Variants in TMPRSS9 observed in about 807,000 individuals in gnomAD.
TMPRSS9 encodes transmembrane serine protease 9.
In TMPRSS9, 113 loss-of-function variants were observed where a neutral mutation model predicts 111.4. The ratio of observed to expected loss-of-function variants is 1.01; its 90% confidence interval spans 0.87 to 1.19. TMPRSS9 has a LOEUF of 1.19. TMPRSS9 is among the 50% of genes most tolerant of loss of function. The pLI is 0.00. For synonymous variants in TMPRSS9, 805 were observed against 659.1 expected, an observed-to-expected ratio of 1.22 and a Z score of -3.39; for missense variants, 1,803 against 1,513.1, an observed-to-expected ratio of 1.19 and a Z score of -3.18.
intron 1 of TMPRSS9, among the ~76,000 whole-genome samples, chr19:2,369,730 C>T (rs998544170): frequency 6.6e-6 from 1 of 151,876 alleles, no homozygotes; most frequent in African/African-American, 2.4e-5. Context: ...TGAGCCACTG[C>T]ACCTGGCCTA....
chr19:2,425,075 C>G lies in TMPRSS9; in HGVS notation c.2791C>G (p.Arg931Gly), dbSNP rs745327163. 4 of 1,572,236 alleles carry G rather than the reference C, an allele frequency of 2.5e-6. No homozygotes were observed. In the Admixed American group the frequency reaches 5.3e-5, roughly 21 times the overall value. Reference sequence around the variant, plus strand: ...GAGCGGCGCGGAGGGGCAGCTGGAGCGCGTGGCGCGCATCTACAAGCACCC... The same window carrying G: ...GAGCGGCGCGGAGGGGCAGCTGGAGGGCGTGGCGCGCATCTACAAGCACCC... Residue 931 changes from arginine to glycine, a missense_variant, in exon 16 of 18, where the codon CGC (arginine) becomes GGC (glycine). By Grantham distance (125) the Arg-to-Gly change is moderately radical. Transcript: ENST00000648592.
At chr19:2,366,675 A>G (rs764124341) in intron 1 of TMPRSS9, among the ~76,000 whole-genome samples, 4 of 151,048 alleles carry the variant, frequency 2.6e-5, no homozygotes, top group East Asian at 2.0e-4. Context: ...GGCTAACACG[A>G]TGAAACCCCA....
At chr19:2,415,014 C>G (rs933161007) in intron 10 of TMPRSS9, among the ~76,000 whole-genome samples, 1 of 141,900 alleles carries the variant, frequency 7.0e-6, no homozygotes, top group Non-Finnish European at 1.5e-5. Context: ...GGTGTGATCT[C>G]GGCTCACTGC....
At chr19:2,407,366 A>G (rs1259236596) in intron 7 of TMPRSS9, among the ~76,000 whole-genome samples, 1 of 151,536 alleles carries the variant, frequency 6.6e-6, no homozygotes, top group African/African-American at 2.4e-5. Flanking sequence ...TACTAAAAAC[A>G]CACAAAAAAA....
intron 1 of TMPRSS9, among the ~76,000 whole-genome samples, chr19:2,380,283 T>TA (rs113193082): frequency 0.099 from 14,170 of 143,262 alleles, 1,245 homozygotes; most frequent in African/African-American, 0.25. Context: ...AACCCTGTCT[T>TA]AAAAAAAAAC....
rs1568189186 is a variant in TMPRSS9 at position 2,418,291 on chromosome 19, C to CCTCCTTCCCT, written c.2154+153_2154+154insCTCCTTCCCT. ...GTCCTTCCCTCCTTTTCCTTTCCTCCTTTCCTTCCCTCCCTTTCCCTCCCT... is the reference window on the plus strand; with the variant it reads ...GTCCTTCCCTCCTTTTCCTTTCCTCCCTCCTTCCCTTTTCCTTCCCTCCCTTTCCCTCCCT... On this transcript the variant is annotated intron_variant, in intron 13 of 17. Transcript: ENST00000648592. 1.8e-4 allele frequency among the ~76,000 whole-genome samples: 13 copies of CCTCCTTCCCT among 71,840 alleles called. 2 individuals are homozygous for CCTCCTTCCCT. The highest frequency in any genetic ancestry group is 5.1e-4 in the African/African-American group (7 of 13,786). The allele number at this position is 71,840 out of a possible 152,430, so 47.1% of individuals were successfully genotyped here.
chr19:2,379,843 ACCT>A (rs1328194726), intron 1 of TMPRSS9, among the ~76,000 whole-genome samples: 1 of 149,138 alleles, frequency 6.7e-6, no homozygotes, highest in East Asian at 2.0e-4. Flanking sequence ...TGTAGTCTCG[ACCT>A]CCTTGGCTCA....
At chr19:2,424,670 C>G (rs1184507844) in intron 15 of TMPRSS9, among the ~76,000 whole-genome samples, 2 of 152,170 alleles carry the variant, frequency 1.3e-5, no homozygotes, top group Non-Finnish European at 2.9e-5. Flanking sequence ...GGCCCAAGCC[C>G]TGGCAGTCGA....
intron 11 of TMPRSS9, 141 bp downstream of exon 12, chr19:2,415,982 G>C (rs750148566): frequency 9.6e-5 from 100 of 1,045,494 alleles, no homozygotes; most frequent in Non-Finnish European, 1.2e-4. Context: ...CTGAGAGACA[G>C]GAGGGAGCCG....
chr19:2,423,050 C>G (rs1971501587), intron 14 of TMPRSS9, among the ~76,000 whole-genome samples: 1 of 146,064 alleles, frequency 6.8e-6, no homozygotes, highest in African/African-American at 2.6e-5. Flanking sequence ...CAGCCTGTCT[C>G]TAAAAAAATT....
At chr19:2,381,883 C>T (rs1025191016) in intron 1 of TMPRSS9, among the ~76,000 whole-genome samples, 1 of 152,196 alleles carries the variant, frequency 6.6e-6, no homozygotes, top group Non-Finnish European at 1.5e-5. Context: ...CGCTCTGTCG[C>T]CCAGGCTTGA....
intron 13 of TMPRSS9, among the ~76,000 whole-genome samples, 183 bp downstream of exon 14, chr19:2,418,321 C>T (rs1192621259): frequency 2.3e-5 from 1 of 43,082 alleles, no homozygotes. Context: ...CTCCCTCCCT[C>T]CCTCCCTCCC....
At chr19:2,405,617 C>T (rs1375552951) in intron 7 of TMPRSS9, 72 bp downstream of exon 8, 19 of 1,402,018 alleles carry the variant, frequency 1.4e-5, no homozygotes, top group African/African-American at 7.5e-5. Context: ...GCACTGGGGA[C>T]GTCACTTCTG....
At chr19:2,366,009 A>G (rs900872661) in intron 1 of TMPRSS9, among the ~76,000 whole-genome samples, 1 of 151,966 alleles carries the variant, frequency 6.6e-6, no homozygotes, top group Non-Finnish European at 1.5e-5. Flanking sequence ...GAGAAAGAGA[A>G]GAGAAGAAAT....
chr19:2,422,185 C>A (rs772277088), exon 14 of TMPRSS9: 1 of 1,554,348 alleles, frequency 6.4e-7, no homozygotes, highest in South Asian at 1.2e-5. Context: ...GTGAGCACCA[C>A]TGCTAGGGGA....
At chr19:2,393,943 C>T (rs911158602) in intron 1 of TMPRSS9, among the ~76,000 whole-genome samples, 1 of 149,392 alleles carries the variant, frequency 6.7e-6, no homozygotes, top group Non-Finnish European at 1.5e-5. Context: ...TGGCTCCCAC[C>T]TGTAATCCCA....
Position 2,425,320 on chromosome 19 carries a change from G to C in TMPRSS9, c.2984-37G>C, listed in dbSNP as rs780534918. On this transcript the variant is annotated intron_variant, in intron 16 of 17. Transcript: ENST00000648592. ...CGGGGCTCGGGGGGCGGCCGGACGCGGTCCCCACCCGCCCCGTCTCGCTCG... is the reference window on the plus strand; with the variant it reads ...CGGGGCTCGGGGGGCGGCCGGACGCCGTCCCCACCCGCCCCGTCTCGCTCG... The C allele has an allele frequency of 4.7e-6, 6 of 1,287,264 alleles. No individual in the cohort carries two copies. The South Asian group carries it at 7.5e-5, about 16-fold the overall frequency. The allele number at this position is 1,287,264 out of a possible 1,614,324, so 79.7% of individuals were successfully genotyped here.
At chr19:2,398,844 G>T (rs769125666) in exon 3 of TMPRSS9, 16 of 1,511,020 alleles carry the variant, frequency 1.1e-5, no homozygotes, top group Non-Finnish European at 1.4e-5. Flanking sequence ...TGCGTGGGTT[G>T]CTCGGTACTG....
At chr19:2,407,114 T>A (rs1970984563) in intron 7 of TMPRSS9, among the ~76,000 whole-genome samples, 1 of 152,078 alleles carries the variant, frequency 6.6e-6, no homozygotes, top group East Asian at 1.9e-4. Flanking sequence ...ATCATTTATC[T>A]TGATGGCTGA....
Sources: gnomAD v4.1 joint callset for allele counts (sites outside exome capture counted in the v4.1 genomes callset) on GRCh38, gnomAD v4.1.1 for gene constraint, MANE v1.5 for transcripts, NCBI Gene and HGNC (gene_info 2026-07-23, HGNC 2026-07-21) for gene names.